SLC39A11: variants seen among roughly 807,000 people sequenced by gnomAD.
SLC39A11 encodes the protein zinc transporter ZIP11.
A neutral mutation model predicts 36.1 loss-of-function variants in SLC39A11; 33 were observed. The observed-to-expected ratio is 0.91, with a 90% CI of 0.69 to 1.22. The LOEUF is 1.22. Among genes scored for constraint, SLC39A11 ranks in the 50% most tolerant of loss-of-function variants. SLC39A11 has a pLI of 0.00. For missense variants in SLC39A11, 432 were observed against 430.3 expected, an observed-to-expected ratio of 1.00 and a Z score of -0.03; for synonymous variants, 166 against 170.3, an observed-to-expected ratio of 0.97 and a Z score of 0.20.
chr17:72,696,358 C>T (rs1299156747), intron 7 of SLC39A11, among the ~76,000 whole-genome samples: 8 of 152,224 alleles, frequency 5.3e-5, no homozygotes, highest in South Asian at 4.2e-4. Flanking sequence ...TAATAGCAGT[C>T]GCCATTTACA....
At chr17:73,074,598 T>C (rs2060263120) in intron 3 of SLC39A11, among the ~76,000 whole-genome samples, 1 of 151,962 alleles carries the variant, frequency 6.6e-6, no homozygotes. Context: ...TACCCAGCCA[T>C]GCTACAATTT....
chr17:73,012,837 C>T (rs1220176664), intron 4 of SLC39A11, among the ~76,000 whole-genome samples: 1 of 152,130 alleles, frequency 6.6e-6, no homozygotes, highest in Non-Finnish European at 1.5e-5. Flanking sequence ...CTCACTCTGT[C>T]ACCCAGGCTG....
At chr17:72,949,172 T>C (rs2085675370) in intron 4 of SLC39A11, among the ~76,000 whole-genome samples, 1 of 116,670 alleles carries the variant, frequency 8.6e-6, no homozygotes, top group African/African-American at 5.1e-5. Context: ...TTTTTTTTTT[T>C]TTTTTGAGAC....
At chr17:73,083,856 A>C (rs1424292636) in intron 3 of SLC39A11, among the ~76,000 whole-genome samples, 1 of 152,268 alleles carries the variant, frequency 6.6e-6, no homozygotes, top group Non-Finnish European at 1.5e-5. Context: ...AAATCTGAAT[A>C]TGGACTGGAT....
At chr17:72,654,923 A>G (rs577752967) in intron 7 of SLC39A11, among the ~76,000 whole-genome samples, 1 of 152,296 alleles carries the variant, frequency 6.6e-6, no homozygotes, top group East Asian at 1.9e-4. Context: ...CCTCCTCCAC[A>G]TCCTGTCTGG....
chr17:72,941,714 T>C (rs1003918435), intron 5 of SLC39A11, among the ~76,000 whole-genome samples: 1 of 152,192 alleles, frequency 6.6e-6, no homozygotes, highest in African/African-American at 2.4e-5. Context: ...TCATGCTGCC[T>C]GCACAGATCC....
chr17:72,709,161 A>G (rs532282348), intron 7 of SLC39A11, among the ~76,000 whole-genome samples: 3 of 152,148 alleles, frequency 2.0e-5, no homozygotes, highest in African/African-American at 7.2e-5. Context: ...GATCGTCTCA[A>G]TCTTCTGACC....
chr17:72,829,825 T>C (rs1382205271), intron 6 of SLC39A11, among the ~76,000 whole-genome samples: 3 of 152,118 alleles, frequency 2.0e-5, no homozygotes. Context: ...ACGTCACTAG[T>C]GTAGCCACCT....
At chr17:72,914,851 G>A (rs1008962202) in intron 5 of SLC39A11, among the ~76,000 whole-genome samples, 1 of 118,582 alleles carries the variant, frequency 8.4e-6, no homozygotes, top group Non-Finnish European at 2.1e-5. Context: ...CTGGGCGACA[G>A]AGCCAGACTC....
intron 5 of SLC39A11, chr17:72,947,468 T>C (rs982094936): frequency 6.3e-6 from 3 of 473,008 alleles, no homozygotes; most frequent in African/African-American, 5.8e-5. Flanking sequence ...CCCATCACCA[T>C]CAGAGTGACC....
chr17:72,899,772 G>A (rs1377322470), intron 5 of SLC39A11, among the ~76,000 whole-genome samples: 2 of 152,052 alleles, frequency 1.3e-5, no homozygotes, highest in East Asian at 3.9e-4. Flanking sequence ...GGACAGCCTG[G>A]CCAAAATGGC....
chr17:72,735,164 G>C (rs1598496247), intron 7 of SLC39A11, among the ~76,000 whole-genome samples: 1 of 152,308 alleles, frequency 6.6e-6, no homozygotes, highest in East Asian at 1.9e-4. Flanking sequence ...TTGAGAATAA[G>C]AAAAGTTTCG....
At chr17:72,885,439 C>T (rs1029194340) in intron 5 of SLC39A11, among the ~76,000 whole-genome samples, 3 of 152,150 alleles carry the variant, frequency 2.0e-5, no homozygotes, top group African/African-American at 7.2e-5. Context: ...CTAGACCCAT[C>T]CTGCATTCAC....
At chr17:73,054,233 A>C (rs368303564) in intron 3 of SLC39A11, among the ~76,000 whole-genome samples, 1 of 151,956 alleles carries the variant, frequency 6.6e-6, no homozygotes, top group African/African-American at 2.4e-5. Context: ...TTGGTAGCGC[A>C]TGCCTGTAGT....
intron 7 of SLC39A11, among the ~76,000 whole-genome samples, chr17:72,699,043 A>C (rs1005384538): frequency 2.6e-5 from 4 of 152,018 alleles, no homozygotes; most frequent in Non-Finnish European, 1.5e-5. Context: ...GTTAGCCAGG[A>C]TGGTCTCGAT....
intron 6 of SLC39A11, among the ~76,000 whole-genome samples, chr17:72,791,401 G>A (rs903954792): frequency 2.0e-5 from 3 of 152,208 alleles, no homozygotes; most frequent in Non-Finnish European, 4.4e-5. Context: ...GCAGTGAGCT[G>A]AGATAGTGTC....
At chr17:72,871,635 C>T (rs1567859617) in intron 5 of SLC39A11, among the ~76,000 whole-genome samples, 1 of 152,156 alleles carries the variant, frequency 6.6e-6, no homozygotes, top group African/African-American at 2.4e-5. Flanking sequence ...TTCCTGGTGG[C>T]TGGACATGTG....
chr17:72,932,498 A>G (rs1445696731), intron 5 of SLC39A11, among the ~76,000 whole-genome samples: 5 of 149,492 alleles, frequency 3.3e-5, no homozygotes, highest in Non-Finnish European at 7.4e-5. Flanking sequence ...GTTTCTATGA[A>G]ACAACCTGTT....
chr17:73,028,272 A>G (rs1190396618), intron 4 of SLC39A11, among the ~76,000 whole-genome samples: 1 of 152,154 alleles, frequency 6.6e-6, no homozygotes, highest in African/African-American at 2.4e-5. Context: ...GTTAGACTAT[A>G]AACGCGTGGG....
Sources: gnomAD v4.1 joint callset for allele counts (sites outside exome capture counted in the v4.1 genomes callset) on GRCh38, gnomAD v4.1.1 for gene constraint, MANE v1.5 for transcripts, NCBI Gene and HGNC (gene_info 2026-07-23, HGNC 2026-07-21) for gene names.